The following ENKUR variants were observed in gnomAD, a reference collection of about 807,000 sequenced individuals.
ENKUR encodes the protein enkurin.
In ENKUR, 19 loss-of-function variants were observed where a neutral mutation model predicts 27.6. The ratio of observed to expected loss-of-function variants is 0.69; its 90% CI spans 0.48 to 1.01. The LOEUF (loss-of-function observed/expected upper bound fraction) is 1.01, where lower values mean the gene tolerates loss of function less well. ENKUR is among the 50% of genes least tolerant of loss of function. ENKUR has a pLI of 0.00. For missense variants in ENKUR, 312 were observed against 310.5 expected (o/e 1.00, Z -0.04); for synonymous variants, 117 against 96.9 (o/e 1.21, Z -1.22).
At chr10:25,043,968 C>G (rs1363703177) in intron 2 of ENKUR, among the ~76,000 whole-genome samples, 1 of 151,698 alleles carries the variant, frequency 6.6e-6, no homozygotes, top group Non-Finnish European at 1.5e-5. Context: ...ATATCCATAC[C>G]CATTGCAGTC....
upstream of ENKUR, among the ~76,000 whole-genome samples, chr10:25,018,336 C>A (rs1850649906): frequency 6.6e-6 from 1 of 152,114 alleles, no homozygotes; most frequent in East Asian, 1.9e-4. Flanking sequence ...CTGTGTCCAC[C>A]GCATGTCCAC....
rs1564334726 is a variant in ENKUR, at chr10:24,988,706, A to ATG, written c.594+1756_594+1757insCA. On this transcript the variant is annotated intron_variant, in intron 4 of 5. Coordinates refer to ENST00000331161, the MANE Select transcript of ENKUR (RefSeq NM_145010.4). ...TATATATATATATATATATATATAT[A>ATG]TATATATATATATATATATATTCCT... Among the ~76,000 whole-genome samples the ATG allele has an allele frequency of 1.2e-3, 37 of 32,056 alleles. 2 individuals carry two copies. The highest frequency in any genetic ancestry group is 6.0e-3 in the African/African-American group (36 of 5,970). 21.0% of individuals were successfully genotyped at this position (32,056 alleles called of 152,430 possible).
At chr10:25,054,784 G>A (rs561582777) in intron 2 of ENKUR, among the ~76,000 whole-genome samples, 1 of 151,282 alleles carries the variant, frequency 6.6e-6, no homozygotes, top group African/African-American at 2.4e-5. Context: ...CTAGACTCAG[G>A]TCCCACCTCA....
At chr10:25,027,498 G>A (rs11593926) in intron 2 of ENKUR, among the ~76,000 whole-genome samples, 37,027 of 147,268 alleles carry the variant, frequency 0.25, 5,494 homozygotes, top group East Asian at 0.5. Context: ...AGATTGCGCC[G>A]TTGCACTCCA....
chr10:25,023,617 A>G (rs986178857), intron 2 of ENKUR: 2 of 1,614,180 alleles, frequency 1.2e-6, no homozygotes, highest in African/African-American at 2.7e-5. Context: ...GATTTCCCTT[A>G]CTGGGTCCAA....
chr10:25,045,274 C>A (rs1490883995), intron 2 of ENKUR, among the ~76,000 whole-genome samples: 1 of 152,148 alleles, frequency 6.6e-6, no homozygotes, highest in Non-Finnish European at 1.5e-5. Flanking sequence ...GAGACCAGAA[C>A]CAGTTAATTT....
intron 2 of ENKUR, among the ~76,000 whole-genome samples, chr10:25,060,693 A>T (rs537197783): frequency 6.6e-6 from 1 of 152,014 alleles, no homozygotes; most frequent in East Asian, 1.9e-4. Flanking sequence ...CTAGGGAAAG[A>T]TGATGTAAAA....
intron 4 of ENKUR, among the ~76,000 whole-genome samples, 183 bp downstream of exon 4, chr10:24,990,280 A>G (rs1174695696): frequency 6.6e-6 from 1 of 152,240 alleles, no homozygotes; most frequent in Non-Finnish European, 1.5e-5. Context: ...GAATCCCTAT[A>G]TCACAACTTT....
intron 2 of ENKUR, among the ~76,000 whole-genome samples, chr10:25,028,387 G>A (rs939811379): frequency 1.5e-4 from 23 of 151,956 alleles, no homozygotes; most frequent in Non-Finnish European, 2.8e-4. Flanking sequence ...CCCTTTCCCC[G>A]CCCCTTTGAT....
At chr10:25,020,102 G>T (rs1376459075), upstream of ENKUR, among the ~76,000 whole-genome samples, 1 of 151,982 alleles carries the variant, frequency 6.6e-6, no homozygotes, top group Non-Finnish European at 1.5e-5. Flanking sequence ...GCTTAAAATA[G>T]AATATATCTT....
chr10:24,998,572 G>A (rs7075332), intron 2 of ENKUR, among the ~76,000 whole-genome samples: 2,027 of 151,706 alleles, frequency 0.013, 59 homozygotes, highest in African/African-American at 0.046. Flanking sequence ...TTGTACGGAC[G>A]GGGTCTTGCT....
At chr10:25,016,981 C>T (rs1183767308), upstream of ENKUR, among the ~76,000 whole-genome samples, 10 of 152,280 alleles carry the variant, frequency 6.6e-5, no homozygotes, top group African/African-American at 2.2e-4. Context: ...TGTGAGTGCG[C>T]GCACGGGGCC....
chr10:25,028,123 G>A (rs186286404), intron 2 of ENKUR, among the ~76,000 whole-genome samples: 1 of 152,148 alleles, frequency 6.6e-6, no homozygotes, highest in Non-Finnish European at 1.5e-5. Flanking sequence ...AAGGAAGGGG[G>A]AAAACATTCT....
rs1023560827 is a variant in ENKUR, at chr10:24,983,517, T to C, written c.*853A>G. On this transcript the variant is annotated 3_prime_UTR_variant, in exon 6 of 6. Coordinates refer to ENST00000331161, the MANE Select transcript of ENKUR (RefSeq NM_145010.4). ...ATAGCAACCAACCATTCTTGGTAAG[T>C]GAGAATTTGTCATATATTATCCTTT... 5 of 152,230 alleles carry C rather than the reference T, an allele frequency of 3.3e-5. No individual in the cohort carries two copies. The highest frequency in any genetic ancestry group is 2.0e-4 in the Admixed American group (3 of 15,278). 9.4% of individuals were successfully genotyped at this position (152,230 alleles called of 1,614,324 possible). A position where few individuals can be genotyped will look rare whatever the true frequency, so the allele number is the denominator to read the frequency against.
intron 1 of ENKUR, among the ~76,000 whole-genome samples, chr10:25,012,971 T>C (rs1850484887): frequency 2.0e-5 from 3 of 152,162 alleles, no homozygotes. Context: ...AGGGATCTGG[T>C]GATAGGTAAT....
At chr10:24,998,096 C>G (rs542401857) in intron 2 of ENKUR, among the ~76,000 whole-genome samples, 53 of 152,052 alleles carry the variant, frequency 3.5e-4, no homozygotes, top group African/African-American at 1.3e-3. Flanking sequence ...GTGCCCTCAC[C>G]TTTTTTCATG....
intron 2 of ENKUR, among the ~76,000 whole-genome samples, chr10:25,052,776 T>C (rs879544866): frequency 3.3e-5 from 5 of 151,350 alleles, no homozygotes; most frequent in Non-Finnish European, 7.4e-5. Context: ...CTCTCTTTTT[T>C]TTCTTTTTTC....
At chr10:25,054,707 G>A (rs1249628141) in intron 2 of ENKUR, among the ~76,000 whole-genome samples, 1 of 148,148 alleles carries the variant, frequency 6.8e-6, no homozygotes, top group Non-Finnish European at 1.5e-5. Context: ...TTCTGAGACA[G>A]GGTCTCACTC....
chr10:25,002,683 A>G (rs1274927703), intron 1 of ENKUR, among the ~76,000 whole-genome samples: 2 of 152,156 alleles, frequency 1.3e-5, no homozygotes, highest in African/African-American at 4.8e-5. Flanking sequence ...AACAACTTGT[A>G]TTATCTTCTT....
Sources: gnomAD v4.1 joint callset for allele counts (sites outside exome capture counted in the v4.1 genomes callset) on GRCh38, gnomAD v4.1.1 for gene constraint, MANE v1.5 for transcripts, NCBI Gene and HGNC (gene_info 2026-07-23, HGNC 2026-07-21) for gene names.